The following JAML variants were observed in gnomAD, a reference collection of about 807,000 sequenced individuals.
JAML encodes the protein junctional adhesion molecule-like.
In JAML, 25 loss-of-function variants were observed where a neutral mutation model predicts 39.3. The ratio of observed to expected loss-of-function variants is 0.64; its 90% confidence interval spans 0.46 to 0.89. The LOEUF (loss-of-function observed/expected upper bound fraction) is 0.89. Among genes scored for constraint, JAML ranks in the 40% least tolerant of loss-of-function variants. The probability of loss-of-function intolerance (pLI) is 0.00; values close to 1 mark genes in which losing one functional copy is unlikely to be tolerated. For synonymous variants in JAML, 162 were observed against 179.2 expected, an observed-to-expected ratio of 0.90 and a Z score of 0.77; for missense variants, 440 against 486.9, an observed-to-expected ratio of 0.90 and a Z score of 0.91.
intron 2 of JAML, chr11:118,213,151 A>G (rs1260096254): frequency 7.1e-7 from 1 of 1,415,432 alleles, no homozygotes; most frequent in African/African-American, 1.4e-5. Context: ...CAGCTTTGCC[A>G]TCAGCTTTCC....
chr11:118,210,662 G>A lies in JAML; in HGVS notation c.249C>T (p.Arg83=), dbSNP rs1321861043. Residue 83 remains arginine (R), a synonymous_variant, in exon 4 of 10, where the codon CGC becomes CGT. Coordinates refer to ENST00000356289, the MANE Select transcript of JAML (RefSeq NM_001098526.2). ...CCATCAAGTGTACGCGGTTCTGGAA[G>A]CGCCCAATAGGCACACTGAGATTGG... is the stretch of plus-strand genomic sequence containing the variant. ...YYSNLSVPIG[R]FQNRVHLMGD... is the part of the protein sequence containing the mutation. The A allele has an allele frequency of 6.2e-7, 1 of 1,614,094 alleles. No homozygotes were observed. The highest frequency in any genetic ancestry group is 2.2e-5 in the East Asian group (1 of 44,902).
chr11:118,196,400 T>C (rs1339794947), intron 9 of JAML, among the ~76,000 whole-genome samples: 3 of 152,148 alleles, frequency 2.0e-5, no homozygotes, highest in Non-Finnish European at 4.4e-5. Flanking sequence ...AGTGCTGGGA[T>C]TTCAGGCATG....
intron 7 of JAML, 117 bp from the exon 8 acceptor site, chr11:118,198,208 T>C: frequency 1.2e-6 from 1 of 817,750 alleles, no homozygotes; most frequent in Non-Finnish European, 2.0e-6. Flanking sequence ...GGAACTATTC[T>C]CTCTGGACTC....
intron 1 of JAML, among the ~76,000 whole-genome samples, chr11:118,215,427 A>C (rs1411204680): frequency 6.6e-6 from 1 of 152,098 alleles, no homozygotes; most frequent in East Asian, 1.9e-4. Context: ...GCTGGGGTGC[A>C]GTGACGTGAT....
At chr11:118,203,313 A>G in intron 6 of JAML, 115 bp downstream of exon 6, 1 of 939,230 alleles carries the variant, frequency 1.1e-6, no homozygotes, top group Non-Finnish European at 1.7e-6. Flanking sequence ...TCAGCACCTG[A>G]GAGGGATGCC....
At chr11:118,218,418 C>A (rs1405786070) in intron 1 of JAML, among the ~76,000 whole-genome samples, 1 of 152,176 alleles carries the variant, frequency 6.6e-6, no homozygotes, top group African/African-American at 2.4e-5. Context: ...AGTACCTCTA[C>A]CTTTCCTTTA....
chr11:118,218,135 C>A (rs1422835428), intron 1 of JAML, among the ~76,000 whole-genome samples: 1 of 152,156 alleles, frequency 6.6e-6, no homozygotes, highest in Non-Finnish European at 1.5e-5. Context: ...GTCTTGTTGC[C>A]CAGGCTGGAG....
intron 4 of JAML, among the ~76,000 whole-genome samples, chr11:118,207,939 A>G (rs1198872125): frequency 6.6e-6 from 1 of 152,192 alleles, no homozygotes; most frequent in Non-Finnish European, 1.5e-5. Context: ...TAGAGACCAA[A>G]GGCAGAAAAA....
intron 4 of JAML, among the ~76,000 whole-genome samples, chr11:118,209,392 C>T (rs754882284): frequency 6.0e-4 from 91 of 152,218 alleles, no homozygotes; most frequent in African/African-American, 1.7e-3. Flanking sequence ...ACCCCTGCCC[C>T]GCTCTTACCC....
At chr11:118,200,385 G>A in intron 7 of JAML, 89 bp downstream of exon 7, 4 of 1,479,252 alleles carry the variant, frequency 2.7e-6, no homozygotes, top group Non-Finnish European at 3.7e-6. Context: ...AATGGCATAA[G>A]TAGGGCCCTA....
intron 9 of JAML, among the ~76,000 whole-genome samples, chr11:118,196,188 G>A (rs2134638993): frequency 6.7e-6 from 1 of 149,220 alleles, no homozygotes; most frequent in South Asian, 2.1e-4. Flanking sequence ...GGAGTGTAGT[G>A]GTGGATCTCG....
rs571116283 is a variant in JAML at position 118,221,246 on chromosome 11, C to CCTTTGCAAGCTTGAAATGCTCTAAA, written c.-21+3670_-21+3694dup. Among the ~76,000 whole-genome samples, 1,354 of 152,270 alleles carry CCTTTGCAAGCTTGAAATGCTCTAAA rather than the reference C, an allele frequency of 8.9e-3. 7 individuals carry two copies. Among genetic ancestry groups the CCTTTGCAAGCTTGAAATGCTCTAAA allele is most frequent in the South Asian group, 0.017 (81 of 4,826 alleles). On this transcript the variant is annotated intron_variant, in intron 1 of 9. Transcript: ENST00000356289. Reference sequence around the variant, plus strand: ...GAAAGTTCTCTTGAGCAGTTAAAATCCTTTGCAAGCTTGAAATGCTCTAAA... The same window carrying CCTTTGCAAGCTTGAAATGCTCTAAA: ...GAAAGTTCTCTTGAGCAGTTAAAATCCTTTGCAAGCTTGAAATGCTCTAAACTTTGCAAGCTTGAAATGCTCTAAA...
chr11:118,214,845 TGA>T lies in JAML; in HGVS notation c.20_21del (p.Leu7HisfsTer15). The T allele has an allele frequency of 6.2e-7, 1 of 1,614,148 alleles. No homozygotes were observed. Among genetic ancestry groups the T allele is most frequent in the Non-Finnish European group, 8.5e-7 (1 of 1,179,998 alleles). The stretch of plus-strand genomic sequence containing the variant: ...TTACCCAGTAACACTGGCAGCAGGA[TGA>T]GTTTCAGTGGGCAAAACATGCTGCT... The part of the protein sequence containing the change: MFCPLK[L>X]ILLPVLLDYS... On this transcript the variant is annotated frameshift_variant, in exon 2 of 10. Coordinates refer to ENST00000356289, the MANE Select transcript of JAML (RefSeq NM_001098526.2).
At chr11:118,203,895 G>A (rs1948865910) in intron 5 of JAML, 5 of 502,766 alleles carry the variant, frequency 9.9e-6, no homozygotes, top group East Asian at 9.4e-5. Context: ...TCTGAATGGA[G>A]GGATAAGAAA....
At chr11:118,205,708 T>C (rs1389129407) in intron 5 of JAML, 174 bp downstream of exon 5, 1 of 599,990 alleles carries the variant, frequency 1.7e-6, no homozygotes, top group Non-Finnish European at 3.0e-6. Flanking sequence ...GTTCTTGTTC[T>C]TCATTGGAGT....
intron 6 of JAML, chr11:118,202,613 T>C: frequency 9.0e-6 from 2 of 223,232 alleles, no homozygotes; most frequent in South Asian, 5.9e-5. Context: ...GGCTCGATTT[T>C]CTCTGTGAAT....
chr11:118,224,080 A>C (rs1311614801), intron 1 of JAML: 2 of 152,208 alleles, frequency 1.3e-5, no homozygotes, highest in Non-Finnish European at 2.9e-5. Flanking sequence ...AGATGTTTTT[A>C]GGTCTACAAG....
chr11:118,203,937 T>A, intron 5 of JAML: 1 of 398,084 alleles, frequency 2.5e-6, no homozygotes. Context: ...ACCTTTCCAA[T>A]AAAAAAAAAG....
intron 6 of JAML, chr11:118,201,770 A>G (rs1948805163): frequency 6.6e-6 from 1 of 152,316 alleles, no homozygotes; most frequent in Admixed American, 6.5e-5. Flanking sequence ...AGACAACTTC[A>G]AGAGTCTGTA....
Sources: gnomAD v4.1 joint callset for allele counts (sites outside exome capture counted in the v4.1 genomes callset) on GRCh38, gnomAD v4.1.1 for gene constraint, MANE v1.5 for transcripts, NCBI Gene and HGNC (gene_info 2026-07-23, HGNC 2026-07-21) for gene names.